Variants in HOMER2 observed in about 807,000 individuals in gnomAD.
HOMER2 encodes homer scaffold protein 2.
HOMER2 carries 27 observed loss-of-function variants against 47.0 expected under a neutral mutation model. The observed-to-expected ratio is 0.57, with a 90% confidence interval of 0.42 to 0.79. The LOEUF (loss-of-function observed/expected upper bound fraction) is 0.79. HOMER2 is among the 30% of genes least tolerant of loss of function. The pLI, the probability that HOMER2 is intolerant of heterozygous loss-of-function variation, is 0.00. For missense variants in HOMER2, 443 were observed against 435.0 expected (o/e 1.02, Z -0.16); for synonymous variants, 161 against 163.8 (o/e 0.98, Z 0.13).
intron 5 of HOMER2, 60 bp from the exon 6 acceptor site, chr15:82,854,860 G>A (rs757691102): frequency 6.3e-5 from 98 of 1,561,892 alleles, no homozygotes; most frequent in East Asian, 1.6e-4. Flanking sequence ...GGCTCCGCCC[G>A]CGTGGGGAAG....
intron 2 of HOMER2, among the ~76,000 whole-genome samples, chr15:82,890,310 C>G (rs999096747): frequency 5.3e-5 from 8 of 152,106 alleles, no homozygotes; most frequent in African/African-American, 1.9e-4. Flanking sequence ...CCACTGCACT[C>G]CAGCCTAGGC....
intron 2 of HOMER2, among the ~76,000 whole-genome samples, chr15:82,881,553 C>A (rs2052522574): frequency 6.6e-6 from 1 of 152,178 alleles, no homozygotes; most frequent in South Asian, 2.1e-4. Flanking sequence ...AAGAAATATT[C>A]ACTGAAAACC....
Position 82,959,519 on chromosome 15 carries a change from AG to A in HOMER2, n.83-212del, listed in dbSNP as rs574610043. ...GGTCTGGAGAGTGGGCACAGTTCTG[AG>A]GATCCAAGGCATAGATGGTGGAAGT... On this transcript the variant is annotated intron_variant and non_coding_transcript_variant, in intron 1 of 1. Transcript: ENST00000500334. Among the ~76,000 whole-genome samples, 102 of 152,334 alleles carry A rather than the reference AG, an allele frequency of 6.7e-4. 1 individual carries two copies. Among genetic ancestry groups the A allele is most frequent in the African/African-American group, 2.3e-3 (95 of 41,584 alleles).
At chr15:82,956,254 AAAAG>A, upstream of HOMER2, among the ~76,000 whole-genome samples, 1 of 151,700 alleles carries the variant, frequency 6.6e-6, no homozygotes, top group South Asian at 2.1e-4. Context: ...AAAAAAAAAA[AAAAG>A]AAGAGGCTTG....
At chr15:82,926,830 T>A (rs1165895600) in intron 1 of HOMER2, among the ~76,000 whole-genome samples, 1 of 152,208 alleles carries the variant, frequency 6.6e-6, no homozygotes, top group Non-Finnish European at 1.5e-5. Flanking sequence ...CCCTTTTTTC[T>A]CTCTCTTTGC....
At chr15:82,971,577 T>C (rs2029991319) in intron 1 of HOMER2, among the ~76,000 whole-genome samples, 1 of 152,198 alleles carries the variant, frequency 6.6e-6, no homozygotes, top group African/African-American at 2.4e-5. Context: ...CAGCTTCACT[T>C]TGACATTTCT....
chr15:82,855,394 G>A (rs1337606300), intron 5 of HOMER2, among the ~76,000 whole-genome samples: 5 of 151,160 alleles, frequency 3.3e-5, no homozygotes, highest in African/African-American at 1.2e-4. Flanking sequence ...CTAGGCATGA[G>A]GGCTGCAGGG....
intron 5 of HOMER2, among the ~76,000 whole-genome samples, chr15:82,855,527 G>C (rs531928666): frequency 6.6e-6 from 1 of 152,070 alleles, no homozygotes; most frequent in Non-Finnish European, 1.5e-5. Context: ...CCAGGACGCT[G>C]GGTTTAAACA....
At position 82,859,105 on chromosome 15, in the gene HOMER2, T is replaced by A; in HGVS notation, c.418A>T (p.Lys140Ter). 6.2e-7 allele frequency: 1 copy of A among 1,613,964 alleles called. No individual in the cohort carries two copies. The highest frequency in any genetic ancestry group is 1.1e-5 in the South Asian group (1 of 91,076). ...TTGGCTGGACCGGCGTGAGAGGCCT[T>A]TTCATCGTCCGTCCCGTTGACACTG... is the stretch of plus-strand genomic sequence containing the variant. ...ASSVNGTDDE[K>*]ASHAGPANTH... The change falls in exon 5 of 9, where the codon AAG becomes TAG. Residue 140 changes from lysine (K) to a stop codon, truncating the protein, a stop_gained. Coordinates refer to ENST00000450735, the MANE Select transcript of HOMER2 (RefSeq NM_004839.4). LOFTEE classifies it high-confidence loss of function.
At chr15:82,918,679 C>T (rs182390278) in intron 1 of HOMER2, among the ~76,000 whole-genome samples, 1 of 152,282 alleles carries the variant, frequency 6.6e-6, no homozygotes, top group African/African-American at 2.4e-5. Context: ...GTTCTCCCTG[C>T]ACCCCTATTT....
chr15:82,910,694 C>T (rs1243831573), intron 1 of HOMER2, among the ~76,000 whole-genome samples: 1 of 152,128 alleles, frequency 6.6e-6, no homozygotes, highest in Non-Finnish European at 1.5e-5. Context: ...CCTCGGAAGG[C>T]GTGTTTGATG....
chr15:82,947,927 T>G (rs991296877), intron 1 of HOMER2, among the ~76,000 whole-genome samples: 1 of 152,090 alleles, frequency 6.6e-6, no homozygotes, highest in Non-Finnish European at 1.5e-5. Flanking sequence ...AATAAGTAAA[T>G]AACACCTGCA....
chr15:82,937,256 A>C (rs1439771096), intron 1 of HOMER2, among the ~76,000 whole-genome samples: 1 of 152,158 alleles, frequency 6.6e-6, no homozygotes, highest in Non-Finnish European at 1.5e-5. Flanking sequence ...TCTGCATAAG[A>C]CTTCATGCTC....
chr15:82,871,376 C>T (rs1233651175), intron 3 of HOMER2, among the ~76,000 whole-genome samples: 3 of 152,192 alleles, frequency 2.0e-5, no homozygotes, highest in Non-Finnish European at 4.4e-5. Context: ...TACCATTTCC[C>T]TACAGGGCTG....
intron 5 of HOMER2, among the ~76,000 whole-genome samples, chr15:82,856,492 A>C (rs1311625724): frequency 6.6e-6 from 1 of 152,058 alleles, no homozygotes; most frequent in Non-Finnish European, 1.5e-5. Flanking sequence ...GGTAGCGTGC[A>C]CCTGTGGTCC....
chr15:82,894,788 C>A (rs1359629780), intron 1 of HOMER2, among the ~76,000 whole-genome samples: 8 of 132,974 alleles, frequency 6.0e-5, no homozygotes, highest in South Asian at 2.3e-4. Flanking sequence ...TTTACAATGT[C>A]AAAAGAGATA....
At chr15:82,851,797 A>AATT (rs1309548350) in intron 7 of HOMER2, among the ~76,000 whole-genome samples, 1 of 152,256 alleles carries the variant, frequency 6.6e-6, no homozygotes, top group East Asian at 1.9e-4. Context: ...TTTTTAAAAA[A>AATT]GAAAATAAGT....
intron 1 of HOMER2, among the ~76,000 whole-genome samples, chr15:82,907,608 A>G (rs1273403970): frequency 1.3e-5 from 2 of 152,218 alleles, no homozygotes; most frequent in African/African-American, 4.8e-5. Flanking sequence ...GTTGAACTCA[A>G]CATCACGACA....
At position 82,851,176 on chromosome 15, in the gene HOMER2, C is replaced by T; in HGVS notation, c.818G>A (p.Cys273Tyr). Residue 273 changes from cysteine (C) to tyrosine (Y), a missense_variant, in exon 8 of 9, where the codon TGC (cysteine) becomes TAC (tyrosine). Physicochemically the swap from Cys to Tyr is radical, Grantham distance 194. Coordinates refer to ENST00000450735, the MANE Select transcript of HOMER2 (RefSeq NM_004839.4). ...SEIIPQLMSE[C>Y]EYVSEKLEAA... ...CTCTAGCTTCTCAGAGACATATTCG[C>T]ACTCTGACATGAGCTGAGGTATGAT... is the stretch of plus-strand genomic sequence containing the variant. 1 of 1,578,978 alleles carries T rather than the reference C, an allele frequency of 6.3e-7. No individual in the cohort carries two copies. Among genetic ancestry groups the T allele is most frequent in the South Asian group, 1.2e-5 (1 of 86,066 alleles).
Sources: allele counts gnomAD v4.1 joint callset (sites outside exome capture counted in the v4.1 genomes callset), GRCh38; gene constraint gnomAD v4.1.1; transcripts MANE v1.5; gene names NCBI Gene and HGNC (gene_info 2026-07-23, HGNC 2026-07-21).